HDAC8: variants seen among roughly 807,000 people sequenced by gnomAD.
The protein encoded by HDAC8 is histone deacetylase-like 1.
HDAC8 carries 1 observed loss-of-function variant against 32.2 expected under a neutral mutation model. The ratio of observed to expected loss-of-function variants is 0.03; its 90% CI spans 0.01 to 0.15. The LOEUF is 0.15. Ranked by LOEUF, HDAC8 falls within the 10% of genes least tolerant of loss-of-function variation. HDAC8 has a pLI of 1.00. For missense variants in HDAC8, 117 were observed against 300.0 expected, an observed-to-expected ratio of 0.39 and a Z score of 4.51; for synonymous variants, 108 against 113.9, an observed-to-expected ratio of 0.95 and a Z score of 0.33.
intron 7 of HDAC8, among the ~76,000 whole-genome samples, chrX:72,483,866 A>T (rs1296446067): frequency 8.9e-6 from 1 of 111,990 alleles, no homozygotes; most frequent in Non-Finnish European, 1.9e-5. Context: ...GTATAGATAG[A>T]CAAAAAGATT....
intron 9 of HDAC8, among the ~76,000 whole-genome samples, chrX:72,357,805 G>A (rs1327219266): frequency 8.9e-6 from 1 of 111,970 alleles, no homozygotes; most frequent in Non-Finnish European, 1.9e-5. Context: ...CAGATTTAAT[G>A]CCTTTTCCTT....
intron 10 of HDAC8, among the ~76,000 whole-genome samples, chrX:72,334,069 A>C (rs141208443): frequency 0.027 from 3,089 of 112,382 alleles, 140 homozygotes; most frequent in African/African-American, 0.094. Context: ...GAAGTTGATG[A>C]TGAGCAATGT....
chrX:72,458,713 A>G (rs1485853974), intron 9 of HDAC8, among the ~76,000 whole-genome samples: 1 of 112,080 alleles, frequency 8.9e-6, no homozygotes, highest in Non-Finnish European at 1.9e-5. Context: ...CAAAACAATG[A>G]TGACCAAATG....
intron 9 of HDAC8, among the ~76,000 whole-genome samples, chrX:72,449,623 C>T (rs1555986641): frequency 9.1e-6 from 1 of 110,357 alleles, no homozygotes; most frequent in Non-Finnish European, 1.9e-5. Context: ...AATAAAATGG[C>T]AGACTTAAGC....
At chrX:72,519,461 A>G (rs960735901) in intron 4 of HDAC8, among the ~76,000 whole-genome samples, 1 of 112,159 alleles carries the variant, frequency 8.9e-6, no homozygotes, top group East Asian at 2.8e-4. Flanking sequence ...CCTTGCCAAC[A>G]CTTATTGTCT....
rs782081494 is a variant in HDAC8, at chrX:72,449,345, G to A, written c.1005+12659C>T. ...AACATAGGAACAGAAACCAAACACC[G>A]CATGTTCTCAGTCATAAGTGGGAGT... On this transcript the variant is annotated intron_variant, in intron 9 of 10. Transcript: ENST00000373573. Among the ~76,000 whole-genome samples the A allele has an allele frequency of 1.1e-4, 12 of 111,101 alleles. No individual in the cohort carries two copies. In the South Asian group the frequency reaches 3.1e-3, roughly 29 times the overall value.
At chrX:72,518,212 T>C (rs782678576) in intron 4 of HDAC8, among the ~76,000 whole-genome samples, 2 of 111,742 alleles carry the variant, frequency 1.8e-5, no homozygotes, top group African/African-American at 6.5e-5. Flanking sequence ...TTCATCATCA[T>C]AATCTCGTAT....
At chrX:72,548,984 A>AT (rs1320457332) in intron 4 of HDAC8, among the ~76,000 whole-genome samples, 2 of 111,979 alleles carry the variant, frequency 1.8e-5, no homozygotes, top group Non-Finnish European at 3.8e-5. Context: ...TACTGCAGAT[A>AT]TACTGTACAT....
intron 4 of HDAC8, among the ~76,000 whole-genome samples, chrX:72,559,565 C>T (rs782330757): frequency 7.4e-5 from 8 of 107,579 alleles, no homozygotes; most frequent in Admixed American, 1.9e-4. Flanking sequence ...TCTGCCCCGC[C>T]GCCCAGTCTG....
chrX:72,334,668 T>C (rs1190619985), intron 10 of HDAC8, among the ~76,000 whole-genome samples: 2 of 112,381 alleles, frequency 1.8e-5, no homozygotes, highest in Middle Eastern at 4.6e-3. Context: ...GAATATCATA[T>C]GAGGCATTAA....
intron 4 of HDAC8, among the ~76,000 whole-genome samples, chrX:72,545,476 A>T (rs1017601880): frequency 1.8e-5 from 2 of 112,376 alleles, no homozygotes. Flanking sequence ...CCATTTTATA[A>T]ATGAGGACAC....
In HDAC8 at chrX:72,572,074, T is replaced by A; in HGVS notation, c.147A>T (p.Ala49=). The change falls in exon 2 of 11, where the codon GCA becomes GCT. Residue 49 remains alanine (A), a synonymous_variant. Transcript: ENST00000373573. The part of the protein sequence containing the change: ...SMVHSLIEAY[A]LHKQMRIVKP... ...CAACTTACCTCATCTGCTTATGCAG[T>A]GCATATGCTTCAATCAAAGAATGCA... 8.4e-7 allele frequency: 1 copy of A among 1,194,491 alleles called. No homozygotes were observed. Among genetic ancestry groups the A allele is most frequent in the African/African-American group, 1.8e-5 (1 of 56,180 alleles).
intron 4 of HDAC8, among the ~76,000 whole-genome samples, chrX:72,552,398 G>A (rs1178980479): frequency 1.8e-5 from 2 of 111,795 alleles, no homozygotes; most frequent in Non-Finnish European, 3.8e-5. Flanking sequence ...GTCACCTGAG[G>A]TCAGGAGTTC....
intron 5 of HDAC8, among the ~76,000 whole-genome samples, chrX:72,492,215 C>T (rs2048892271): frequency 8.9e-6 from 1 of 112,350 alleles, no homozygotes; most frequent in South Asian, 3.7e-4. Flanking sequence ...CCAATTTACA[C>T]TTGGACCAAT....
intron 4 of HDAC8, among the ~76,000 whole-genome samples, chrX:72,505,357 A>G (rs1556018539): frequency 1.8e-5 from 2 of 111,469 alleles, no homozygotes; most frequent in East Asian, 2.8e-4. Context: ...GTGACTATAG[A>G]GAGAAATTTT....
At chrX:72,446,482 C>A (rs2047401915) in intron 9 of HDAC8, among the ~76,000 whole-genome samples, 1 of 108,669 alleles carries the variant, frequency 9.2e-6, no homozygotes, top group Admixed American at 9.9e-5. Flanking sequence ...GGGAATTGAA[C>A]AATGAGAACA....
intron 9 of HDAC8, among the ~76,000 whole-genome samples, chrX:72,424,013 C>T (rs2046562668): frequency 8.9e-6 from 1 of 112,329 alleles, no homozygotes; most frequent in African/African-American, 3.2e-5. Flanking sequence ...CTCCAAGTTT[C>T]CTGACCTTGG....
chrX:72,338,667 A>T (rs868949745), intron 10 of HDAC8, among the ~76,000 whole-genome samples: 67 of 77,874 alleles, frequency 8.6e-4, no homozygotes, highest in African/African-American at 1.8e-3. Context: ...TTATAAATAT[A>T]TATAAATATA....
At chrX:72,509,981 C>A (rs996785289) in intron 4 of HDAC8, among the ~76,000 whole-genome samples, 1 of 111,710 alleles carries the variant, frequency 9.0e-6, no homozygotes, top group African/African-American at 3.3e-5. Context: ...AGATGACCAA[C>A]CACAGTTCCT....
Sources: allele counts gnomAD v4.1 joint callset (sites outside exome capture counted in the v4.1 genomes callset), GRCh38; gene constraint gnomAD v4.1.1; transcripts MANE v1.5; gene names NCBI Gene and HGNC (gene_info 2026-07-23, HGNC 2026-07-21).